The following SUCO variants were observed in gnomAD, a reference collection of about 807,000 sequenced individuals.
The protein encoded by SUCO is SUN domain containing ossification factor.
A neutral mutation model predicts 148.1 loss-of-function variants in SUCO; 57 were observed. That is an observed-to-expected ratio of 0.38 (90% CI 0.31 to 0.48). The LOEUF is 0.48. Ranked by LOEUF, SUCO falls within the 20% of genes least tolerant of loss-of-function variation. The pLI is 0.96. For synonymous variants in SUCO, 470 were observed against 502.7 expected (o/e 0.93, Z 0.87); for missense variants, 1,331 against 1,468.2 (o/e 0.91, Z 1.53).
intron 9 of SUCO, among the ~76,000 whole-genome samples, chr1:172,572,969 C>G (rs1470094002): frequency 6.6e-6 from 1 of 151,864 alleles, no homozygotes; most frequent in Non-Finnish European, 1.5e-5. Flanking sequence ...TTAATTTTTT[C>G]CTAAGCAGCA....
At chr1:172,588,399 G>T (rs1461992048) in intron 17 of SUCO, 11 of 985,054 alleles carry the variant, frequency 1.1e-5, no homozygotes, top group Non-Finnish European at 1.1e-5. Context: ...AAGGGATAGT[G>T]AAGCTTGTAA....
chr1:172,577,545 A>G lies in SUCO; in HGVS notation c.1270A>G (p.Ile424Val), dbSNP rs1362755484. Residue 424 changes from isoleucine (I) to valine (V), a missense_variant, in exon 12 of 24, where the codon ATC becomes GTC. Around this residue, in one of 3 missense-constraint regions of SUCO, gnomAD observed 992 missense variants for 1,093.5 expected, o/e 0.91. Transcript: ENST00000263688. Reference sequence around the variant, plus strand: ...TTCCTTTCTCTTGCTTCAGATGTTCATCAAGTACATAAAGGTTAGCAACCT... The same window carrying G: ...TTCCTTTCTCTTGCTTCAGATGTTCGTCAAGTACATAAAGGTTAGCAACCT... ...QMYAKYVKMF[I>V]KYIKVELLSH... 10 of 1,610,768 alleles carry G rather than the reference A, an allele frequency of 6.2e-6. No homozygotes were observed. The Admixed American group carries it at 1.7e-4, about 27-fold the overall frequency.
intron 22 of SUCO, among the ~76,000 whole-genome samples, chr1:172,607,381 G>A (rs1657928111): frequency 6.6e-6 from 1 of 151,442 alleles, no homozygotes; most frequent in Non-Finnish European, 1.5e-5. Context: ...TTCATGCATG[G>A]CTTCATTCTT....
At chr1:172,558,782 C>T (rs1003433325) in intron 6 of SUCO, among the ~76,000 whole-genome samples, 7 of 152,240 alleles carry the variant, frequency 4.6e-5, no homozygotes, top group Admixed American at 1.3e-4. Context: ...ATTAGACAAA[C>T]GTTAAAACAC....
Position 172,557,655 on chromosome 1 carries a change from A to G in SUCO, c.593A>G (p.Gln198Arg). Residue 198 changes from glutamine to arginine, a missense_variant, in exon 6 of 24, where the codon CAG becomes CGG. Gln to Arg is a conservative substitution (Grantham distance 43, BLOSUM62 1). Coordinates refer to ENST00000263688, the MANE Select transcript of SUCO (RefSeq NM_014283.5). ...TTGGTTTTAAACAGCCTTGTTGGCC[A>G]GCATATAGAAAATGTATCATCTTCA... ...FVSPPDSLVG[Q>R]HIENVSSSHG... 1 of 1,597,864 alleles carries G rather than the reference A, an allele frequency of 6.3e-7. No individual in the cohort carries two copies. Among genetic ancestry groups the G allele is most frequent in the Non-Finnish European group, 8.5e-7 (1 of 1,175,420 alleles).
At chr1:172,541,361 A>T (rs1477766056) in intron 1 of SUCO, among the ~76,000 whole-genome samples, 2 of 152,210 alleles carry the variant, frequency 1.3e-5, no homozygotes, top group Non-Finnish European at 2.9e-5. Flanking sequence ...GGATATGCAT[A>T]GGTGATATGC....
At position 172,570,674 on chromosome 1, in the gene SUCO, T is replaced by C; in HGVS notation, c.993T>C (p.Ala331=). ...AANPEAKSTS[A]ILIENMDLYM... ...TCTTTTTAAAATAGAGCACATCTGC[T>C]ATTCTTATAGAAAATATGGATCTTT... is the stretch of plus-strand genomic sequence containing the variant. Residue 331 remains alanine, a synonymous_variant, in exon 9 of 24, where the codon GCT becomes GCC. Transcript: ENST00000263688. The C allele has an allele frequency of 1.3e-6, 2 of 1,599,428 alleles. No individual in the cohort carries two copies. Among genetic ancestry groups the C allele is most frequent in the Non-Finnish European group, 1.7e-6 (2 of 1,167,562 alleles).
At position 172,585,162 on chromosome 1, in the gene SUCO, A is replaced by G. The variant is rs1656149907; in HGVS notation, c.1567+76A>G. On this transcript the variant is annotated intron_variant, in intron 16 of 23. Coordinates refer to ENST00000263688, the MANE Select transcript of SUCO (RefSeq NM_014283.5). ...TTATATTTAGGAAAATCAAGTAATG[A>G]GTTAAGAAAATTTGATTGTTTACAT... 4.3e-6 allele frequency: 5 copies of G among 1,162,592 alleles called. No individual in the cohort carries two copies. In the South Asian group the frequency reaches 8.0e-5, roughly 19 times the overall value. 72.0% of individuals were successfully genotyped at this position (1,162,592 alleles called of 1,614,324 possible).
intron 19 of SUCO, 102 bp downstream of exon 19, chr1:172,591,173 C>A (rs1571269519): frequency 1.2e-6 from 1 of 831,818 alleles, no homozygotes; most frequent in Non-Finnish European, 1.9e-6. Flanking sequence ...CTTTTTCCCC[C>A]TGCTAGCTGG....
At chr1:172,604,047 CCA>C (rs961319493) in intron 22 of SUCO, among the ~76,000 whole-genome samples, 3 of 151,830 alleles carry the variant, frequency 2.0e-5, no homozygotes, top group African/African-American at 7.3e-5. Flanking sequence ...ATACAATTTT[CCA>C]CACTGTTTTA....
chr1:172,532,496 C>T (rs777518209), upstream of SUCO: 2 of 1,613,252 alleles, frequency 1.2e-6, no homozygotes, highest in Non-Finnish European at 1.7e-6. Flanking sequence ...TGGCACGCCC[C>T]TTTCTATCTA....
In SUCO at chr1:172,551,426, A is replaced by G. The variant is rs1571194767; in HGVS notation, c.63-86A>G. ...TGTTTATCGCCTCAAATTCTAGCCCATATAGAAATATGTTGACTTAACAAC... is the reference window on the plus strand; with the variant it reads ...TGTTTATCGCCTCAAATTCTAGCCCGTATAGAAATATGTTGACTTAACAAC... On this transcript the variant is annotated intron_variant, in intron 1 of 23. Coordinates refer to ENST00000263688, the MANE Select transcript of SUCO (RefSeq NM_014283.5). 4 of 730,454 alleles carry G rather than the reference A, an allele frequency of 5.5e-6. No individual in the cohort carries two copies. The East Asian group carries it at 1.1e-4, about 20-fold the overall frequency. 45.2% of individuals were successfully genotyped at this position (730,454 alleles called of 1,614,324 possible). A position where few individuals can be genotyped will look rare whatever the true frequency, so the allele number is the denominator to read the frequency against.
At chr1:172,593,404 T>A (rs553051841) in intron 19 of SUCO, among the ~76,000 whole-genome samples, 4 of 152,242 alleles carry the variant, frequency 2.6e-5, no homozygotes, top group African/African-American at 9.6e-5. Context: ...TGATATTGGC[T>A]GTGGGTTTGT....
At chr1:172,564,934 C>T (rs1474399494) in intron 6 of SUCO, among the ~76,000 whole-genome samples, 4 of 152,150 alleles carry the variant, frequency 2.6e-5, no homozygotes, top group Non-Finnish European at 5.9e-5. Flanking sequence ...ATTTCTTTAG[C>T]ACATTTTATG....
intron 3 of SUCO, chr1:172,555,349 T>C: frequency 1.0e-6 from 1 of 982,880 alleles, no homozygotes; most frequent in Non-Finnish European, 1.2e-6. Flanking sequence ...TGAACAGGTG[T>C]TAGGTAGATT....
intron 23 of SUCO, 49 bp from the exon 24 acceptor site, chr1:172,609,767 G>T (rs1013147527): frequency 5.2e-6 from 8 of 1,547,918 alleles, no homozygotes; most frequent in African/African-American, 2.8e-5. Flanking sequence ...GTTTGATAAG[G>T]TTACTATGGG....
intron 9 of SUCO, 77 bp from the exon 10 acceptor site, chr1:172,573,814 G>A (rs1655222222): frequency 3.7e-6 from 3 of 800,416 alleles, no homozygotes; most frequent in East Asian, 2.7e-5. Flanking sequence ...TCTAATTTAT[G>A]GAAACTGTTA....
intron 13 of SUCO, 99 bp from the exon 14 acceptor site, chr1:172,578,199 C>G (rs969413212): frequency 1.3e-5 from 12 of 943,358 alleles, no homozygotes; most frequent in Middle Eastern, 2.2e-4. Context: ...CAGTGGCCCT[C>G]AAAATATGAC....
chr1:172,585,815 C>A, intron 16 of SUCO, 43 bp from the exon 17 acceptor site: 1 of 1,346,732 alleles, frequency 7.4e-7, no homozygotes, highest in Non-Finnish European at 1.0e-6. Context: ...CATGGTACAG[C>A]TTTTAAAATT....
Sources: gnomAD v4.1 joint callset for allele counts (sites outside exome capture counted in the v4.1 genomes callset) on GRCh38, gnomAD v4.1.1 for gene constraint, gnomAD v4.1.1 regional missense constraint, MANE v1.5 for transcripts, NCBI Gene and HGNC (gene_info 2026-07-23, HGNC 2026-07-21) for gene names.